Variants in SGSM2 observed in about 807,000 individuals in gnomAD.
SGSM2 encodes the protein small G protein signaling modulator 2, also known as RUN and TBC1 domain containing 1.
In SGSM2, 89 loss-of-function variants were observed where a neutral mutation model predicts 126.6. The ratio of observed to expected loss-of-function variants is 0.70; its 90% CI spans 0.59 to 0.84. The LOEUF (loss-of-function observed/expected upper bound fraction) is 0.84. Ranked by LOEUF, SGSM2 falls within the 40% of genes least tolerant of loss-of-function variation. The pLI, the probability that SGSM2 is intolerant of heterozygous loss-of-function variation, is 0.00. For synonymous variants in SGSM2, 614 were observed against 574.3 expected (o/e 1.07, Z -0.99); for missense variants, 1,404 against 1,416.6 (o/e 0.99, Z 0.14).
At chr17:2,344,816 TCTTAA>T (rs1426413710) in intron 2 of SGSM2, among the ~76,000 whole-genome samples, 1 of 152,190 alleles carries the variant, frequency 6.6e-6, no homozygotes, top group African/African-American at 2.4e-5. Context: ...TGGACAAGTT[TCTTAA>T]CTTCTCTCAC....
intron 12 of SGSM2, among the ~76,000 whole-genome samples, chr17:2,370,437 G>T (rs546382692): frequency 4.0e-5 from 6 of 148,512 alleles, no homozygotes; most frequent in African/African-American, 1.5e-4. Flanking sequence ...TGTGTCTAAG[G>T]AGTCATCTTC....
chr17:2,348,983 C>T (rs534483699), intron 2 of SGSM2, among the ~76,000 whole-genome samples: 6 of 151,738 alleles, frequency 4.0e-5, no homozygotes, highest in African/African-American at 1.5e-4. Context: ...AGGCTGGTCT[C>T]AAACTCCTGA....
chr17:2,364,118 G>T lies in SGSM2; in HGVS notation c.867G>T (p.Leu289=), dbSNP rs763604499. The change falls in exon 8 of 24, where the codon CTG becomes CTT. Residue 289 remains leucine (L), a synonymous_variant. Coordinates refer to ENST00000268989, the MANE Select transcript of SGSM2 (RefSeq NM_014853.3). Reference sequence around the variant, plus strand: ...CCCTGCACCAGTCTGCAGAGAGCCTGACTCTGAAGTGGACCCCCAACCAGC... The same window carrying T: ...CCCTGCACCAGTCTGCAGAGAGCCTTACTCTGAAGTGGACCCCCAACCAGC... ...YLSLHQSAES[L]TLKWTPNQLM... is the part of the protein sequence containing the mutation. The T allele has an allele frequency of 2.2e-5, 35 of 1,614,070 alleles. No individual in the cohort carries two copies. Among genetic ancestry groups the T allele is most frequent in the Non-Finnish European group, 3.0e-5 (35 of 1,180,030 alleles).
chr17:2,341,999 G>A (rs193224320), intron 1 of SGSM2, among the ~76,000 whole-genome samples: 26 of 152,232 alleles, frequency 1.7e-4, no homozygotes, highest in Non-Finnish European at 3.1e-4. Context: ...TGTACACAAC[G>A]CGCACGGAGA....
At position 2,372,656 on chromosome 17, in the gene SGSM2, G is replaced by C; in HGVS notation, c.1788+168G>C. The C allele has an allele frequency of 9.8e-7, 1 of 1,025,638 alleles. No individual in the cohort carries two copies. Among genetic ancestry groups the C allele is most frequent in the South Asian group, 1.5e-5 (1 of 66,982 alleles). The allele number at this position is 1,025,638 out of a possible 1,614,324, so 63.5% of individuals were successfully genotyped here. A position where few individuals can be genotyped will look rare whatever the true frequency, so the allele number is the denominator to read the frequency against. On this transcript the variant is annotated intron_variant, in intron 15 of 23. Coordinates refer to ENST00000268989, the MANE Select transcript of SGSM2 (RefSeq NM_014853.3). This position sits in a 1 kb window ranked among gnomAD's most constrained non-coding sequence, Gnocchi z 6.0. ...TTGCAGCTGGGCCTGGGGCTGACAC[G>C]GGAAGGGGGCTGGACTGGGAAGCCG... is the stretch of plus-strand genomic sequence containing the variant.
chr17:2,369,025 T>C (rs564944786), intron 12 of SGSM2, among the ~76,000 whole-genome samples: 1 of 152,336 alleles, frequency 6.6e-6, no homozygotes, highest in African/African-American at 2.4e-5. Flanking sequence ...TCAGGGCTCA[T>C]CTGTGCATCC....
In SGSM2 at chr17:2,337,715, A is replaced by G; in HGVS notation, c.27A>G (p.Lys9=). ...TGGGCAGCGCAGAGGACGCAGTCAA[A>G]GAGAAACTGCTGTGGAACGTGAAGA... The part of the protein sequence containing the change: MGSAEDAV[K]EKLLWNVKKE... Residue 9 remains lysine, a synonymous_variant, in exon 1 of 24, where the codon AAA becomes AAG. Coordinates refer to ENST00000268989, the MANE Select transcript of SGSM2 (RefSeq NM_014853.3). This position sits in a 1 kb window ranked among gnomAD's most constrained non-coding sequence, Gnocchi z 5.1. 2 of 1,543,390 alleles carry G rather than the reference A, an allele frequency of 1.3e-6. No individual in the cohort carries two copies. The highest frequency in any genetic ancestry group is 1.8e-6 in the Non-Finnish European group (2 of 1,142,444).
At position 2,379,097 on chromosome 17, in the gene SGSM2, A is replaced by T. The variant is rs917390695; in HGVS notation, c.2961A>T (p.Ser987=). 1 of 1,613,220 alleles carries T rather than the reference A, an allele frequency of 6.2e-7. No individual in the cohort carries two copies. Among genetic ancestry groups the T allele is most frequent in the Non-Finnish European group, 8.5e-7 (1 of 1,179,186 alleles). The change falls in exon 23 of 24, where the codon TCA becomes TCT. Residue 987 remains serine (S), a synonymous_variant. Coordinates refer to ENST00000268989, the MANE Select transcript of SGSM2 (RefSeq NM_014853.3). ...TGATCTGGGCAGCCAGGCACATCTCATCGGAGCACTTTGTCCTGTTCATCG... is the reference window on the plus strand; with the variant it reads ...TGATCTGGGCAGCCAGGCACATCTCTTCGGAGCACTTTGTCCTGTTCATCG... ...WEVIWAARHI[S]SEHFVLFIAL...
intron 2 of SGSM2, among the ~76,000 whole-genome samples, chr17:2,358,028 A>C (rs973343058): frequency 6.6e-6 from 1 of 152,220 alleles, no homozygotes; most frequent in Non-Finnish European, 1.5e-5. Context: ...GGGCCCAGAC[A>C]GCTCAGTCAG....
At chr17:2,340,631 C>T (rs1041607766) in intron 1 of SGSM2, among the ~76,000 whole-genome samples, 3 of 151,618 alleles carry the variant, frequency 2.0e-5, no homozygotes, top group Non-Finnish European at 4.4e-5. Flanking sequence ...GTTGCCCAGG[C>T]TGGAGTGCCG....
chr17:2,337,656 T>C lies in SGSM2; in HGVS notation c.-33T>C, dbSNP rs778513553. The C allele has an allele frequency of 2.5e-5, 35 of 1,428,350 alleles. No individual in the cohort carries two copies. The East Asian group carries it at 8.1e-4, about 33-fold the overall frequency. The allele number at this position is 1,428,350 out of a possible 1,614,324, so 88.5% of individuals were successfully genotyped here. A position where few individuals can be genotyped will look rare whatever the true frequency, so the allele number is the denominator to read the frequency against. On this transcript the variant is annotated 5_prime_UTR_variant, in exon 1 of 24. Coordinates refer to ENST00000268989, the MANE Select transcript of SGSM2 (RefSeq NM_014853.3). This position sits in a 1 kb window ranked among gnomAD's most constrained non-coding sequence, Gnocchi z 5.1. ...GGAGGCGGCGAGGGCGCGGGGGCTC[T>C]GAGGACCGCTCGGCGCCGCCTCCTG...
At chr17:2,379,257 C>T (rs2151649386) in intron 23 of SGSM2, 54 bp downstream of exon 23, 2 of 1,598,764 alleles carry the variant, frequency 1.3e-6, no homozygotes, top group Non-Finnish European at 1.7e-6. Flanking sequence ...TGGAGGCCCC[C>T]ACCTCTGCCC....
In SGSM2 at chr17:2,367,411, T is replaced by C; in HGVS notation, c.1423+6T>C. On this transcript the variant is annotated splice_donor_region_variant and intron_variant, in intron 12 of 23. Transcript: ENST00000268989. This position sits in a 1 kb window ranked among gnomAD's most constrained non-coding sequence, Gnocchi z 4.0. ...AGCTCCCAATCCGATGAAAGGTTCT[T>C]ATCCCTCCCTCTCCCTGACCCACCT... 5 of 1,612,180 alleles carry C rather than the reference T, an allele frequency of 3.1e-6. No individual in the cohort carries two copies. Among genetic ancestry groups the C allele is most frequent in the South Asian group, 1.1e-5 (1 of 90,984 alleles).
intron 12 of SGSM2, among the ~76,000 whole-genome samples, chr17:2,370,095 G>A (rs1331880678): frequency 6.6e-6 from 1 of 152,190 alleles, no homozygotes; most frequent in Non-Finnish European, 1.5e-5. Flanking sequence ...TCCCACCAAA[G>A]CCAGGCCCAC....
chr17:2,365,310 G>C lies in SGSM2; in HGVS notation c.1257G>C (p.Arg419=). The C allele has an allele frequency of 6.3e-7, 1 of 1,579,002 alleles. No individual in the cohort carries two copies. The highest frequency in any genetic ancestry group is 1.3e-5 in the African/African-American group (1 of 74,120). ...GTGRATDYVF[R]IIYPGHRHEH... ...GGCGGGCCACCGACTATGTGTTCCG[G>C]ATCATCTACCCCGGCCACAGGCACG... The change falls in exon 11 of 24, where the codon CGG becomes CGC. Residue 419 remains arginine, a synonymous_variant. Transcript: ENST00000268989.
chr17:2,372,540 G>C lies in SGSM2; in HGVS notation c.1788+52G>C. ...CAGGTCGAGGGGCTGGGGCGGGCAG[G>C]AGTGAGGGCTTCAGGGTAAAATGTG... is the stretch of plus-strand genomic sequence containing the variant. On this transcript the variant is annotated intron_variant, in intron 15 of 23. Coordinates refer to ENST00000268989, the MANE Select transcript of SGSM2 (RefSeq NM_014853.3). This position sits in a 1 kb window ranked among gnomAD's most constrained non-coding sequence, Gnocchi z 6.0. 6.3e-7 allele frequency: 1 copy of C among 1,580,072 alleles called. No homozygotes were observed. Among genetic ancestry groups the C allele is most frequent in the Non-Finnish European group, 8.6e-7 (1 of 1,167,928 alleles).
chr17:2,358,051 T>C (rs2065153225), intron 2 of SGSM2, among the ~76,000 whole-genome samples: 3 of 152,114 alleles, frequency 2.0e-5, no homozygotes, highest in African/African-American at 7.2e-5. Context: ...GGCAGGTAGG[T>C]TCAGCTAACC....
chr17:2,372,470 G>C lies in SGSM2; in HGVS notation c.1770G>C (p.Lys590Asn). The change falls in exon 15 of 24, where the codon AAG becomes AAC. Residue 590 changes from lysine to asparagine, a missense_variant. Transcript: ENST00000268989. The surrounding 1 kb of genome is among the most constrained non-coding windows in gnomAD (Gnocchi z 6.0). ...GCCTCACCAAGGACGTGTGGAGCAA[G>C]TATCAGAAGGACAAAAAGGTGCCAA... Reference protein sequence around the residue: ...SAGLTKDVWSKYQKDKKNYKE... With the variant: ...SAGLTKDVWSNYQKDKKNYKE... The C allele has an allele frequency of 6.2e-7, 1 of 1,601,106 alleles. No homozygotes were observed. Among genetic ancestry groups the C allele is most frequent in the Non-Finnish European group, 8.5e-7 (1 of 1,176,500 alleles).
chr17:2,367,180 G>A lies in SGSM2; in HGVS notation c.1289-91G>A, dbSNP rs373505797. 8.3e-4 allele frequency: 1,165 copies of A among 1,410,370 alleles called. 19 individuals are homozygous for A. The South Asian group carries it at 0.015, about 18-fold the overall frequency. The allele number at this position is 1,410,370 out of a possible 1,614,324, so 87.4% of individuals were successfully genotyped here. On this transcript the variant is annotated intron_variant, in intron 11 of 23. Transcript: ENST00000268989. This position sits in a 1 kb window ranked among gnomAD's most constrained non-coding sequence, Gnocchi z 4.0. ...TGCCCTGCAGATTCACGATGACCCC[G>A]GCCTCCATTCCACTCCCCTTAAGGA...
Sources: allele counts gnomAD v4.1 joint callset (sites outside exome capture counted in the v4.1 genomes callset), GRCh38; gene constraint gnomAD v4.1.1; non-coding constraint Gnocchi (gnomAD v3.1); transcripts MANE v1.5; gene names NCBI Gene and HGNC (gene_info 2026-07-23, HGNC 2026-07-21).